PIP4K2A: variants seen among roughly 807,000 people sequenced by gnomAD.
PIP4K2A encodes phosphatidylinositol 5-phosphate 4-kinase type-2 alpha.
Under a neutral mutation model 42.9 loss-of-function variants are expected in PIP4K2A, and 14 were observed. The observed-to-expected ratio is 0.33, with a 90% CI of 0.22 to 0.51. PIP4K2A has a LOEUF of 0.51. Ranked by LOEUF, PIP4K2A falls within the 20% of genes least tolerant of loss-of-function variation. The pLI is 0.97. For missense variants in PIP4K2A, 434 were observed against 519.8 expected (o/e 0.83, Z 1.61); for synonymous variants, 192 against 192.2 (o/e 1.00, Z 0.01).
Position 22,561,565 on chromosome 10 carries a change from G to GTTTTTTTTTTTTTTTTTT in PIP4K2A, c.678+6268_678+6285dup, listed in dbSNP as rs71394001. 6.2e-5 allele frequency among the ~76,000 whole-genome samples: 7 copies of GTTTTTTTTTTTTTTTTTT among 113,500 alleles called. 3 individuals are homozygous for GTTTTTTTTTTTTTTTTTT. Among genetic ancestry groups the GTTTTTTTTTTTTTTTTTT allele is most frequent in the African/African-American group, 7.1e-5 (2 of 28,314 alleles). 74.5% of individuals were successfully genotyped at this position (113,500 alleles called of 152,430 possible). A position where few individuals can be genotyped will look rare whatever the true frequency, so the allele number is the denominator to read the frequency against. On this transcript the variant is annotated intron_variant, in intron 6 of 9. Transcript: ENST00000376573. ...TATGTCACCAGAGATTCTCTACGCA[G>GTTTTTTTTTTTTTTTTTT]TTTTTTTTTTTTTTTTTTTTTTTTT...
intron 5 of PIP4K2A, among the ~76,000 whole-genome samples, chr10:22,571,052 C>T (rs1301692497): frequency 4.6e-5 from 7 of 152,128 alleles, no homozygotes; most frequent in African/African-American, 7.2e-5. Context: ...CAGGAGTACA[C>T]GTCTTTTCAA....
rs1836665128 is a variant in PIP4K2A at position 22,560,578 on chromosome 10, C to T, written c.678+7273G>A. Among the ~76,000 whole-genome samples the T allele has an allele frequency of 3.3e-5, 5 of 152,286 alleles. No individual in the cohort carries two copies. In the South Asian group the frequency reaches 1.0e-3, roughly 32 times the overall value. On this transcript the variant is annotated intron_variant, in intron 6 of 9. Transcript: ENST00000376573. ...GGTGCAATTCACAGTGCCTGAGAAT[C>T]GACAAGGCGGCTTTTTGTAGCCCAT...
At chr10:22,618,056 T>C (rs1188377293) in intron 1 of PIP4K2A, among the ~76,000 whole-genome samples, 1 of 152,146 alleles carries the variant, frequency 6.6e-6, no homozygotes, top group Non-Finnish European at 1.5e-5. Flanking sequence ...CATAGGGAAA[T>C]CAAACAATAA....
At chr10:22,627,017 CAT>C (rs1838453206) in intron 1 of PIP4K2A, among the ~76,000 whole-genome samples, 1 of 152,156 alleles carries the variant, frequency 6.6e-6, no homozygotes, top group Non-Finnish European at 1.5e-5. Context: ...TTTGCCATCA[CAT>C]GAGTTTTGCA....
rs1399487182 is a variant in PIP4K2A at position 22,536,295 on chromosome 10, G to A, written c.*906C>T. ...ATTGCCCCAAACTATGCACTTTTCA[G>A]GTAAGCTTTACTTTTATTTTGTAGC... On this transcript the variant is annotated 3_prime_UTR_variant, in exon 10 of 10. Transcript: ENST00000376573. 2.5e-6 allele frequency: 1 copy of A among 394,962 alleles called. No individual in the cohort carries two copies. The highest frequency in any genetic ancestry group is 4.5e-6 in the Non-Finnish European group (1 of 224,300). 24.5% of individuals were successfully genotyped at this position (394,962 alleles called of 1,614,324 possible). A position where few individuals can be genotyped will look rare whatever the true frequency, so the allele number is the denominator to read the frequency against.
chr10:22,624,137 C>T (rs1838388753), intron 1 of PIP4K2A, among the ~76,000 whole-genome samples: 1 of 152,162 alleles, frequency 6.6e-6, no homozygotes, highest in Non-Finnish European at 1.5e-5. Flanking sequence ...CTATGTTTAA[C>T]ATTGGGCAGT....
At position 22,714,405 on chromosome 10, in the gene PIP4K2A, C is replaced by A. The variant is rs1428880368; in HGVS notation, c.-79G>T. On this transcript the variant is annotated 5_prime_UTR_variant, in exon 1 of 10. Transcript: ENST00000376573. ...CTCTCTACACCCCGGCCCGGGGAGG[C>A]AGCCGCATCCCCCCGGCGGCGGCCC... is the stretch of plus-strand genomic sequence containing the variant. The A allele has an allele frequency of 4.8e-6, 5 of 1,048,198 alleles. No individual in the cohort carries two copies. Among genetic ancestry groups the A allele is most frequent in the Non-Finnish European group, 5.9e-6 (5 of 842,690 alleles). The allele number at this position is 1,048,198 out of a possible 1,614,324, so 64.9% of individuals were successfully genotyped here.
chr10:22,564,208 A>T (rs1346655908), intron 6 of PIP4K2A, among the ~76,000 whole-genome samples: 3 of 152,212 alleles, frequency 2.0e-5, no homozygotes, highest in Non-Finnish European at 4.4e-5. Flanking sequence ...ACCGTTACAG[A>T]TACAGGAAGT....
intron 6 of PIP4K2A, among the ~76,000 whole-genome samples, chr10:22,561,846 G>A (rs984227197): frequency 1.4e-4 from 22 of 152,046 alleles, no homozygotes; most frequent in African/African-American, 3.6e-4. Flanking sequence ...GATTACAGGC[G>A]TGAGCCACCA....
intron 6 of PIP4K2A, among the ~76,000 whole-genome samples, chr10:22,558,223 T>G (rs189858181): frequency 6.6e-6 from 1 of 152,316 alleles, no homozygotes; most frequent in African/African-American, 2.4e-5. Flanking sequence ...TTACTTGTAA[T>G]TCCAAGCTCA....
At chr10:22,608,735 G>A (rs572787276) in intron 2 of PIP4K2A, among the ~76,000 whole-genome samples, 1 of 152,050 alleles carries the variant, frequency 6.6e-6, no homozygotes, top group Non-Finnish European at 1.5e-5. Context: ...AAATCAGCTG[G>A]GCATGGTAAC....
intron 1 of PIP4K2A, among the ~76,000 whole-genome samples, chr10:22,617,086 T>C (rs996307238): frequency 6.6e-5 from 10 of 152,372 alleles, no homozygotes; most frequent in African/African-American, 2.4e-4. Flanking sequence ...AAAGGTACCT[T>C]GATTCCTCTC....
At chr10:22,581,565 T>TAAAAAAAAAA (rs531477426) in intron 4 of PIP4K2A, among the ~76,000 whole-genome samples, 1 of 78,672 alleles carries the variant, frequency 1.3e-5, no homozygotes. Flanking sequence ...ATCCTATCTC[T>TAAAAAAAAAA]AAAAAAAAAA....
rs1159746530 is a variant in PIP4K2A, at chr10:22,714,191, T to A, written c.136A>T (p.Asn46Tyr). The change falls in exon 1 of 10, where the codon AAC becomes TAC. Residue 46 changes from asparagine to tyrosine, a missense_variant. By Grantham distance (143) the Asn-to-Tyr change is moderately radical. This residue lies in a region of PIP4K2A where 395 missense variants were observed against 444.5 expected (regional missense o/e 0.89). Coordinates refer to ENST00000376573, the MANE Select transcript of PIP4K2A (RefSeq NM_005028.5). ...CGCAGCTGAGCCCTTACCGAGTGGTTTACCCCCCACATGAGGACGCTGAGC... is the reference window on the plus strand; with the variant it reads ...CGCAGCTGAGCCCTTACCGAGTGGTATACCCCCCACATGAGGACGCTGAGC... ...PLLSVLMWGV[N>Y]HSINELSHVQ... The A allele has an allele frequency of 6.2e-7, 1 of 1,607,358 alleles. No individual in the cohort carries two copies. The highest frequency in any genetic ancestry group is 8.5e-7 in the Non-Finnish European group (1 of 1,176,528).
At chr10:22,587,457 G>A (rs899300848) in intron 4 of PIP4K2A, among the ~76,000 whole-genome samples, 2 of 152,196 alleles carry the variant, frequency 1.3e-5, no homozygotes, top group East Asian at 1.9e-4. Context: ...CACTACTGAA[G>A]CTAGAGAGAG....
intron 1 of PIP4K2A, among the ~76,000 whole-genome samples, chr10:22,695,104 T>C (rs1214272188): frequency 1.3e-5 from 2 of 152,220 alleles, no homozygotes; most frequent in East Asian, 1.9e-4. Context: ...ATATTCACCA[T>C]TTTTAAAAAC....
intron 1 of PIP4K2A, among the ~76,000 whole-genome samples, chr10:22,632,212 G>C (rs936339299): frequency 2.0e-5 from 3 of 152,146 alleles, no homozygotes; most frequent in African/African-American, 7.2e-5. Flanking sequence ...AAAGTGGAAT[G>C]AGTGCGGAAA....
In PIP4K2A at chr10:22,537,013, G is replaced by A. The variant is rs1193480551; in HGVS notation, c.*188C>T. On this transcript the variant is annotated 3_prime_UTR_variant, in exon 10 of 10. Coordinates refer to ENST00000376573, the MANE Select transcript of PIP4K2A (RefSeq NM_005028.5). Reference sequence around the variant, plus strand: ...ACACAAAGTCAGAAATAGCTAGAACGATGCTGGGAAAATCAGGTAGCTGTA... The same window carrying A: ...ACACAAAGTCAGAAATAGCTAGAACAATGCTGGGAAAATCAGGTAGCTGTA... 7 of 579,864 alleles carry A rather than the reference G, an allele frequency of 1.2e-5. No homozygotes were observed. Among genetic ancestry groups the A allele is most frequent in the South Asian group, 1.1e-4 (5 of 46,738 alleles). The allele number at this position is 579,864 out of a possible 1,614,324, so 35.9% of individuals were successfully genotyped here. A position where few individuals can be genotyped will look rare whatever the true frequency, so the allele number is the denominator to read the frequency against.
At chr10:22,560,712 G>C (rs1836669292) in intron 6 of PIP4K2A, among the ~76,000 whole-genome samples, 1 of 152,250 alleles carries the variant, frequency 6.6e-6, no homozygotes, top group South Asian at 2.1e-4. Flanking sequence ...ATGTTAAAAG[G>C]GATCTTCTTA....
Sources: gnomAD v4.1 joint callset for allele counts (sites outside exome capture counted in the v4.1 genomes callset) on GRCh38, gnomAD v4.1.1 for gene constraint, gnomAD v4.1.1 regional missense constraint, MANE v1.5 for transcripts, NCBI Gene and HGNC (gene_info 2026-07-23, HGNC 2026-07-21) for gene names.